PTAFR: variants seen among roughly 807,000 people sequenced by gnomAD.
PTAFR encodes platelet activating factor receptor.
PTAFR carries 8 observed loss-of-function variants against 14.7 expected under a neutral mutation model. The observed-to-expected ratio is 0.54, with a 90% CI of 0.32 to 0.98. The LOEUF is 0.98. PTAFR is among the 50% of genes least tolerant of loss of function. PTAFR has a pLI of 0.04. For missense variants in PTAFR, 337 were observed against 451.2 expected (o/e 0.75, Z 2.29); for synonymous variants, 156 against 176.5 (o/e 0.88, Z 0.92).
intron 1 of PTAFR, among the ~76,000 whole-genome samples, chr1:28,165,171 G>A: frequency 6.6e-6 from 1 of 152,122 alleles, no homozygotes; most frequent in African/African-American, 2.4e-5. Context: ...CCGGGAGGCT[G>A]AGGCAGGCAG....
At chr1:28,173,302 G>A (rs1413323360) in intron 1 of PTAFR, among the ~76,000 whole-genome samples, 1 of 98,018 alleles carries the variant, frequency 1.0e-5, no homozygotes, top group Non-Finnish European at 2.0e-5. Flanking sequence ...AAAAAAAGGG[G>A]GGGGGGTGTG....
At chr1:28,189,392 T>C (rs957238749) in intron 1 of PTAFR, among the ~76,000 whole-genome samples, 2 of 151,904 alleles carry the variant, frequency 1.3e-5, no homozygotes, top group Non-Finnish European at 2.9e-5. Context: ...GGCGGGCAGA[T>C]CACGAGGTCA....
At chr1:28,168,120 G>A (rs555143602) in intron 1 of PTAFR, among the ~76,000 whole-genome samples, 4 of 134,990 alleles carry the variant, frequency 3.0e-5, no homozygotes, top group East Asian at 4.0e-4. Context: ...CACCACACCC[G>A]GCTAATTTTT....
intron 1 of PTAFR, among the ~76,000 whole-genome samples, chr1:28,172,464 T>C (rs1646463144): frequency 6.6e-6 from 1 of 152,230 alleles, no homozygotes; most frequent in African/African-American, 2.4e-5. Flanking sequence ...GACCTGAGTC[T>C]GCACCTGGGT....
intron 1 of PTAFR, among the ~76,000 whole-genome samples, chr1:28,184,532 T>C (rs1646590643): frequency 6.6e-6 from 1 of 152,208 alleles, no homozygotes; most frequent in African/African-American, 2.4e-5. Context: ...CTCAAGACCC[T>C]GTAAGACCTC....
At chr1:28,175,667 C>T (rs752060137) in intron 1 of PTAFR, among the ~76,000 whole-genome samples, 1 of 151,910 alleles carries the variant, frequency 6.6e-6, no homozygotes, top group Non-Finnish European at 1.5e-5. Flanking sequence ...CTGATAGGGG[C>T]TATTGTTTGT....
chr1:28,170,046 C>T (rs931006991), intron 1 of PTAFR, among the ~76,000 whole-genome samples: 3 of 151,728 alleles, frequency 2.0e-5, no homozygotes, highest in African/African-American at 7.3e-5. Context: ...ACAGTGAGAG[C>T]TCATTGAATG....
intron 1 of PTAFR, among the ~76,000 whole-genome samples, chr1:28,174,919 G>GTTTGT (rs903774534): frequency 7.9e-5 from 12 of 152,146 alleles, no homozygotes; most frequent in Non-Finnish European, 1.0e-4. Flanking sequence ...TCAGTGGTTT[G>GTTTGT]TTTGTTTTGT....
At chr1:28,155,047 C>A (rs1353143622) in intron 1 of PTAFR, among the ~76,000 whole-genome samples, 1 of 152,146 alleles carries the variant, frequency 6.6e-6, no homozygotes, top group African/African-American at 2.4e-5. Context: ...CCAGCTGCCA[C>A]TCCACCCTCA....
At position 28,147,505 on chromosome 1, in the gene PTAFR, G is replaced by A. The variant is rs1288133403; in HGVS notation, c.*2488C>T. On this transcript the variant is annotated 3_prime_UTR_variant, in exon 2 of 2. Coordinates refer to ENST00000373857, the MANE Select transcript of PTAFR (RefSeq NM_000952.5). Reference sequence around the variant, plus strand: ...ATTCCTCTGGTCCCTGCCTTGCTATGCGTATCTTCCCTCTGAGCAGAGCCA... The same window carrying A: ...ATTCCTCTGGTCCCTGCCTTGCTATACGTATCTTCCCTCTGAGCAGAGCCA... The A allele has an allele frequency of 6.6e-6, 1 of 152,228 alleles. No individual in the cohort carries two copies. The highest frequency in any genetic ancestry group is 2.4e-5 in the African/African-American group (1 of 41,440). 9.4% of individuals were successfully genotyped at this position (152,228 alleles called of 1,614,324 possible). A position where few individuals can be genotyped will look rare whatever the true frequency, so the allele number is the denominator to read the frequency against.
intron 1 of PTAFR, among the ~76,000 whole-genome samples, chr1:28,190,258 C>G (rs1458630427): frequency 3.3e-5 from 5 of 152,204 alleles, no homozygotes. Context: ...GCGTGAGCCA[C>G]CATGCCTGGC....
rs1646156317 is a variant in PTAFR, at chr1:28,149,729, A to G, written c.*264T>C. 4.6e-6 allele frequency: 2 copies of G among 433,554 alleles called. No homozygotes were observed. Among genetic ancestry groups the G allele is most frequent in the Admixed American group, 8.2e-5 (2 of 24,470 alleles). 26.9% of individuals were successfully genotyped at this position (433,554 alleles called of 1,614,324 possible). ...TGGCCCTGACATTCCTTCCGGCCCC[A>G]TAAGATTAAGGGACTCAGGATAAAG... On this transcript the variant is annotated 3_prime_UTR_variant, in exon 2 of 2. Transcript: ENST00000373857.
chr1:28,191,586 AAGAGAGAGAGAGAG>A (rs35747744), intron 1 of PTAFR, among the ~76,000 whole-genome samples: 1 of 145,478 alleles, frequency 6.9e-6, no homozygotes, highest in Non-Finnish European at 1.5e-5. Flanking sequence ...GAAAAAAGAA[AAGAGAGAGAGAGAG>A]AGAGAGAGAG....
intron 1 of PTAFR, among the ~76,000 whole-genome samples, chr1:28,154,682 G>A (rs1240359097): frequency 6.6e-6 from 1 of 151,632 alleles, no homozygotes; most frequent in East Asian, 1.9e-4. Flanking sequence ...CATGGTGGTG[G>A]GCACTTGTAA....
chr1:28,167,549 C>A (rs2148999445), intron 1 of PTAFR, among the ~76,000 whole-genome samples: 1 of 151,144 alleles, frequency 6.6e-6, no homozygotes, highest in African/African-American at 2.4e-5. Flanking sequence ...ATAGAAGCTC[C>A]TCAAAAAACT....
intron 1 of PTAFR, among the ~76,000 whole-genome samples, chr1:28,164,196 G>A (rs1646357302): frequency 6.6e-6 from 1 of 152,218 alleles, no homozygotes; most frequent in African/African-American, 2.4e-5. Flanking sequence ...TCCCAGGCCA[G>A]ATTGTGGGTT....
intron 1 of PTAFR, among the ~76,000 whole-genome samples, chr1:28,183,120 G>A (rs533070695): frequency 6.6e-6 from 1 of 152,300 alleles, no homozygotes; most frequent in Admixed American, 6.5e-5. Context: ...CTGTCCCAAT[G>A]TTATGTAGTG....
At chr1:28,180,777 T>C (rs996443617), upstream of PTAFR, among the ~76,000 whole-genome samples, 9 of 151,876 alleles carry the variant, frequency 5.9e-5, no homozygotes, top group East Asian at 1.2e-3. Context: ...AAAATGTCCA[T>C]ATATGTGGAA....
intron 1 of PTAFR, among the ~76,000 whole-genome samples, chr1:28,154,081 GAAAAAAAA>G (rs71586829): frequency 0.018 from 990 of 55,590 alleles, 16 homozygotes; most frequent in African/African-American, 0.063. Flanking sequence ...CCTTGTCTCA[GAAAAAAAA>G]AAAAAAAAAA....
Sources: allele counts gnomAD v4.1 joint callset (sites outside exome capture counted in the v4.1 genomes callset), GRCh38; gene constraint gnomAD v4.1.1; transcripts MANE v1.5; gene names NCBI Gene and HGNC (gene_info 2026-07-23, HGNC 2026-07-21).